Variants in RBFOX1 observed in about 807,000 individuals in gnomAD.
RBFOX1 encodes the protein RNA binding protein fox-1 homolog 1.
RBFOX1 carries 8 observed loss-of-function variants against 57.7 expected under a neutral mutation model. That is an observed-to-expected ratio of 0.14 (90% confidence interval 0.08 to 0.25). The LOEUF (loss-of-function observed/expected upper bound fraction) is 0.25, where lower values mean the gene tolerates loss of function less well. Among genes scored for constraint, RBFOX1 ranks in the 10% least tolerant of loss-of-function variants. The probability of loss-of-function intolerance (pLI) is 1.00; values close to 1 mark genes in which losing one functional copy is unlikely to be tolerated. For synonymous variants in RBFOX1, 326 were observed against 222.4 expected, an observed-to-expected ratio of 1.47 and a Z score of -4.15; for missense variants, 611 against 548.5, an observed-to-expected ratio of 1.11 and a Z score of -1.14.
At chr16:5,471,985 A>T (rs1239094484) in intron 2 of RBFOX1, among the ~76,000 whole-genome samples, 1 of 152,270 alleles carries the variant, frequency 6.6e-6, no homozygotes, top group South Asian at 2.1e-4. Flanking sequence ...GACAGATGAA[A>T]GCAGGCAGGC....
chr16:6,031,603 G>T (rs1207611182), intron 1 of RBFOX1, among the ~76,000 whole-genome samples: 1 of 152,190 alleles, frequency 6.6e-6, no homozygotes, highest in East Asian at 1.9e-4. Flanking sequence ...GTGCAAACGT[G>T]CATTTTTGTG....
At chr16:7,693,416 CTTTTTTTTT>C (rs60812796) in intron 14 of RBFOX1, 3 of 782,666 alleles carry the variant, frequency 3.8e-6, no homozygotes, top group South Asian at 2.5e-5. Flanking sequence ...TCTCAGTATC[CTTTTTTTTT>C]TTTTTTTTTC....
At chr16:5,730,685 TCAC>T (rs2052334302) in intron 3 of RBFOX1, among the ~76,000 whole-genome samples, 1 of 151,576 alleles carries the variant, frequency 6.6e-6, no homozygotes, top group Non-Finnish European at 1.5e-5. Context: ...GTCACCAATG[TCAC>T]CACCATCATT....
intron 4 of RBFOX1, among the ~76,000 whole-genome samples, chr16:7,185,859 T>C (rs1463718849): frequency 6.6e-6 from 1 of 152,168 alleles, no homozygotes; most frequent in Non-Finnish European, 1.5e-5. Flanking sequence ...TCCATGGCAT[T>C]TTATCCCTAG....
At chr16:6,642,487 G>C (rs1326775662) in intron 2 of RBFOX1, among the ~76,000 whole-genome samples, 2 of 151,968 alleles carry the variant, frequency 1.3e-5, no homozygotes, top group African/African-American at 2.4e-5. Context: ...TAATTGTGCT[G>C]AGCCAGCAAC....
Position 6,441,913 on chromosome 16 carries a change from C to T in RBFOX1, c.-64+124856C>T, listed in dbSNP as rs531677521. ...ACTCAGGCAGCAGTGGTCAGCGTGGCGGGAGGGTCTTCCTAATTTGCTATT... is the reference window on the plus strand; with the variant it reads ...ACTCAGGCAGCAGTGGTCAGCGTGGTGGGAGGGTCTTCCTAATTTGCTATT... On this transcript the variant is annotated intron_variant, in intron 2 of 15. Transcript: ENST00000550418. Among the ~76,000 whole-genome samples the T allele has an allele frequency of 2.2e-4, 34 of 152,136 alleles. 1 individual carries two copies. Among genetic ancestry groups the T allele is most frequent in the Middle Eastern group, 3.4e-3 (1 of 294 alleles).
At chr16:6,461,863 G>A (rs2094928658) in intron 2 of RBFOX1, among the ~76,000 whole-genome samples, 1 of 152,078 alleles carries the variant, frequency 6.6e-6, no homozygotes, top group African/African-American at 2.4e-5. Context: ...TAATTATATG[G>A]ATATTTTCAT....
intron 4 of RBFOX1, among the ~76,000 whole-genome samples, chr16:7,210,341 C>A: frequency 6.6e-6 from 1 of 152,142 alleles, no homozygotes; most frequent in East Asian, 1.9e-4. Flanking sequence ...GAGCTGACAG[C>A]GTGGACCACA....
chr16:7,465,952 A>G (rs923448402), intron 4 of RBFOX1, among the ~76,000 whole-genome samples: 4 of 152,216 alleles, frequency 2.6e-5, no homozygotes, highest in Non-Finnish European at 5.9e-5. Flanking sequence ...AGAATGACAG[A>G]CTGGATAACT....
intron 9 of RBFOX1, among the ~76,000 whole-genome samples, chr16:7,601,459 G>C (rs75931278): frequency 0.028 from 4,277 of 152,212 alleles, 196 homozygotes; most frequent in African/African-American, 0.098. Flanking sequence ...ATGGGTAGTT[G>C]AATTCCCTGA....
intron 4 of RBFOX1, among the ~76,000 whole-genome samples, chr16:7,385,727 T>C (rs924253264): frequency 6.6e-6 from 1 of 152,174 alleles, no homozygotes; most frequent in African/African-American, 2.4e-5. Flanking sequence ...GTGGTTATTA[T>C]TGTACATGTG....
chr16:6,814,361 C>T (rs1467140974), intron 3 of RBFOX1, among the ~76,000 whole-genome samples: 4 of 152,012 alleles, frequency 2.6e-5, no homozygotes, highest in African/African-American at 9.7e-5. Context: ...TAAGTGTTTC[C>T]ATTTCTTTCT....
At chr16:5,785,758 C>T (rs1242374784) in intron 3 of RBFOX1, among the ~76,000 whole-genome samples, 3 of 152,124 alleles carry the variant, frequency 2.0e-5, no homozygotes, top group Non-Finnish European at 4.4e-5. Flanking sequence ...AACTCCCGAC[C>T]TCAGGTGATC....
chr16:5,565,687 C>T (rs1217129265), intron 2 of RBFOX1, among the ~76,000 whole-genome samples: 1 of 151,292 alleles, frequency 6.6e-6, no homozygotes, highest in Non-Finnish European at 1.5e-5. Flanking sequence ...AAGTCGTTTT[C>T]CCTCTTTTAT....
chr16:6,478,388 A>AAT (rs71406379), intron 2 of RBFOX1, among the ~76,000 whole-genome samples: 54 of 41,530 alleles, frequency 1.3e-3, no homozygotes, highest in Admixed American at 1.7e-3. Context: ...ACACCCAGCT[A>AAT]ATATATATAT....
intron 3 of RBFOX1, among the ~76,000 whole-genome samples, chr16:5,818,695 C>A (rs1373904309): frequency 6.6e-6 from 1 of 152,164 alleles, no homozygotes; most frequent in Admixed American, 6.5e-5. Context: ...AGAGTCTTGA[C>A]CGTAGAGGGG....
intron 3 of RBFOX1, among the ~76,000 whole-genome samples, chr16:5,615,417 T>C (rs535567853): frequency 6.6e-6 from 1 of 152,308 alleles, no homozygotes; most frequent in East Asian, 1.9e-4. Flanking sequence ...GAGTGAGTGG[T>C]GTGTACTGCT....
intron 3 of RBFOX1, among the ~76,000 whole-genome samples, chr16:5,816,048 T>C (rs2055622432): frequency 6.6e-6 from 1 of 152,200 alleles, no homozygotes; most frequent in Non-Finnish European, 1.5e-5. Context: ...CAGCTCTGGC[T>C]AGGGCTGATA....
intron 2 of RBFOX1, among the ~76,000 whole-genome samples, chr16:5,552,122 G>A: frequency 6.6e-6 from 1 of 152,152 alleles, no homozygotes; most frequent in Admixed American, 6.5e-5. Flanking sequence ...AATGTAGTCA[G>A]CCCAGTCTGG....
Sources: allele counts gnomAD v4.1 joint callset (sites outside exome capture counted in the v4.1 genomes callset), GRCh38; gene constraint gnomAD v4.1.1; transcripts MANE v1.5; gene names NCBI Gene and HGNC (gene_info 2026-07-23, HGNC 2026-07-21).